The following IQGAP2 variants were observed in gnomAD, a reference collection of about 807,000 sequenced individuals.
IQGAP2 encodes ras GTPase-activating-like protein IQGAP2.
In IQGAP2, 173 loss-of-function variants were observed where a neutral mutation model predicts 201.3. The ratio of observed to expected loss-of-function variants is 0.86; its 90% CI spans 0.76 to 0.98. The LOEUF is 0.98. Ranked by LOEUF, IQGAP2 falls within the 50% of genes least tolerant of loss-of-function variation. The pLI is 0.00. For missense variants in IQGAP2, 1,687 were observed against 1,864.8 expected (o/e 0.90, Z 1.76); for synonymous variants, 675 against 673.9 (o/e 1.00, Z -0.03).
At chr5:76,700,587 T>G (rs371330525) in intron 33 of IQGAP2, among the ~76,000 whole-genome samples, 4 of 152,286 alleles carry the variant, frequency 2.6e-5, no homozygotes, top group African/African-American at 9.6e-5. Flanking sequence ...ATATAGTATA[T>G]AGCAAAGGAA....
At position 76,592,852 on chromosome 5, in the gene IQGAP2, A is replaced by G; in HGVS notation, c.834A>G (p.Ser278=). 6.2e-7 allele frequency: 1 copy of G among 1,609,230 alleles called. No homozygotes were observed. Among genetic ancestry groups the G allele is most frequent in the Non-Finnish European group, 8.5e-7 (1 of 1,175,716 alleles). Residue 278 remains serine, a synonymous_variant, in exon 9 of 36, where the codon TCA becomes TCG. Transcript: ENST00000274364. ...ENARLKNSCI[S]EEERDAYEEL... ...TTGTTTTGCAGAATAGCTGTATTTC[A>G]GAAGAAGAAAGAGATGCTTATGAAG...
At chr5:76,467,642 C>A (rs567011054) in intron 2 of IQGAP2, among the ~76,000 whole-genome samples, 4 of 152,070 alleles carry the variant, frequency 2.6e-5, no homozygotes, top group Admixed American at 2.0e-4. Context: ...CAGGTATATA[C>A]GAATGAAAAT....
intron 16 of IQGAP2, among the ~76,000 whole-genome samples, chr5:76,639,775 A>C (rs1360382361): frequency 1.3e-5 from 2 of 152,214 alleles, no homozygotes; most frequent in Non-Finnish European, 2.9e-5. Flanking sequence ...ATACTTAATG[A>C]CAAGAAGATA....
In IQGAP2 at chr5:76,618,021, A is replaced by G. The variant is rs1483874961; in HGVS notation, c.1521+6838A>G. ...AAGATAATATTCCTGCTTCAGTATGAAAAATGGCAGCATATATAAGAAAAC... is the reference window on the plus strand; with the variant it reads ...AAGATAATATTCCTGCTTCAGTATGGAAAATGGCAGCATATATAAGAAAAC... On this transcript the variant is annotated intron_variant, in intron 13 of 35. Transcript: ENST00000274364. The G allele has an allele frequency of 1.2e-6, 2 of 1,614,084 alleles. No individual in the cohort carries two copies. Among genetic ancestry groups the G allele is most frequent in the East Asian group, 4.5e-5 (2 of 44,894 alleles).
chr5:76,659,240 T>TACTG (rs561584186), intron 21 of IQGAP2, among the ~76,000 whole-genome samples: 24 of 152,358 alleles, frequency 1.6e-4, no homozygotes, highest in African/African-American at 5.8e-4. Flanking sequence ...TGATAAAATG[T>TACTG]ACTGATGTAT....
intron 13 of IQGAP2, among the ~76,000 whole-genome samples, chr5:76,612,892 TTTAAGGAGTGTGTGTA>T (rs1345939485): frequency 1.3e-5 from 2 of 152,168 alleles, no homozygotes; most frequent in African/African-American, 4.8e-5. Context: ...TTTTAAATTT[TTTAAGGAGTGTGTGTA>T]TTAAATAATT....
intron 16 of IQGAP2, among the ~76,000 whole-genome samples, chr5:76,640,253 A>G (rs1212427137): frequency 3.9e-5 from 6 of 152,166 alleles, no homozygotes; most frequent in Admixed American, 1.3e-4. Flanking sequence ...GTTGTACTAG[A>G]TAAGAGTCAT....
At chr5:76,605,538 G>A (rs190503200) in intron 11 of IQGAP2, among the ~76,000 whole-genome samples, 14 of 152,086 alleles carry the variant, frequency 9.2e-5, no homozygotes, top group African/African-American at 3.1e-4. Context: ...TGGAGAAATG[G>A]GCAGGTGAAA....
At chr5:76,564,257 T>C (rs1046755987) in intron 3 of IQGAP2, among the ~76,000 whole-genome samples, 2 of 152,236 alleles carry the variant, frequency 1.3e-5, no homozygotes, top group Admixed American at 6.5e-5. Flanking sequence ...AAATAAATAT[T>C]AGTCCACATT....
chr5:76,529,672 AATAATG>A (rs1157372617), intron 2 of IQGAP2, among the ~76,000 whole-genome samples: 1 of 125,004 alleles, frequency 8.0e-6, no homozygotes. Flanking sequence ...TAATAATAAT[AATAATG>A]GTTATTTTTA....
intron 20 of IQGAP2, among the ~76,000 whole-genome samples, chr5:76,656,486 TG>T (rs765420226): frequency 1.5e-4 from 13 of 89,446 alleles, no homozygotes; most frequent in African/African-American, 4.7e-4. Context: ...CAGCCGTTTT[TG>T]GTTTTTTTTT....
chr5:76,522,204 G>A (rs1758722997), intron 2 of IQGAP2, among the ~76,000 whole-genome samples: 1 of 150,186 alleles, frequency 6.7e-6, no homozygotes, highest in South Asian at 2.1e-4. Context: ...TTTTCTAAAG[G>A]CGGAGTGTTT....
chr5:76,550,888 C>T (rs544933666), intron 2 of IQGAP2, among the ~76,000 whole-genome samples: 4 of 152,216 alleles, frequency 2.6e-5, no homozygotes, highest in Non-Finnish European at 5.9e-5. Context: ...GACGGGGTGG[C>T]GGCCGGGCAG....
At chr5:76,629,148 A>G (rs1051670075) in intron 14 of IQGAP2, among the ~76,000 whole-genome samples, 22 of 152,192 alleles carry the variant, frequency 1.4e-4, no homozygotes, top group African/African-American at 5.3e-4. Flanking sequence ...TTGCACATCT[A>G]AAATCCTATC....
At chr5:76,476,550 G>A (rs975281087) in intron 2 of IQGAP2, among the ~76,000 whole-genome samples, 1 of 152,182 alleles carries the variant, frequency 6.6e-6, no homozygotes, top group Admixed American at 6.5e-5. Flanking sequence ...ATTACAACGG[G>A]TCAGGAGTTC....
intron 2 of IQGAP2, among the ~76,000 whole-genome samples, chr5:76,485,500 G>T: frequency 6.6e-6 from 1 of 152,044 alleles, no homozygotes; most frequent in African/African-American, 2.4e-5. Context: ...TGGTTTCCTT[G>T]GAGTTTTCCT....
chr5:76,507,488 CGTTATGTACAATACCAAAGACATGATCT>C (rs1757672985), intron 2 of IQGAP2, among the ~76,000 whole-genome samples: 1 of 151,938 alleles, frequency 6.6e-6, no homozygotes, highest in Non-Finnish European at 1.5e-5. Flanking sequence ...TTGGCATTGA[CGTTATGTACAATACCAAAGACATGATCT>C]GTGAAAGAAA....
At chr5:76,541,208 G>C (rs547073870) in intron 2 of IQGAP2, among the ~76,000 whole-genome samples, 1,560 of 148,580 alleles carry the variant, frequency 0.01, 18 homozygotes, top group African/African-American at 0.038. Flanking sequence ...CTAGCCCCCT[G>C]GTAACCTCTA....
At chr5:76,444,374 C>T (rs7706078) in intron 1 of IQGAP2, among the ~76,000 whole-genome samples, 57,485 of 152,148 alleles carry the variant, frequency 0.38, 12,911 homozygotes, top group East Asian at 0.53. Context: ...TCTCAGCTCA[C>T]CGCAACCTCT....
Sources: gnomAD v4.1 joint callset for allele counts (sites outside exome capture counted in the v4.1 genomes callset) on GRCh38, gnomAD v4.1.1 for gene constraint, MANE v1.5 for transcripts, NCBI Gene and HGNC (gene_info 2026-07-23, HGNC 2026-07-21) for gene names.